GALNT7: variants seen among roughly 807,000 people sequenced by gnomAD.
The protein encoded by GALNT7 is polypeptide N-acetylgalactosaminyltransferase 7, also known as N-acetylgalactosaminyltransferase 7.
In GALNT7, 60 loss-of-function variants were observed where a neutral mutation model predicts 82.1. The ratio of observed to expected loss-of-function variants is 0.73; its 90% CI spans 0.59 to 0.91. The LOEUF is 0.91. Among genes scored for constraint, GALNT7 ranks in the 40% least tolerant of loss-of-function variants. The pLI is 0.00. For missense variants in GALNT7, 660 were observed against 804.2 expected (o/e 0.82, Z 2.17); for synonymous variants, 243 against 275.1 (o/e 0.88, Z 1.15).
intron 1 of GALNT7, among the ~76,000 whole-genome samples, chr4:173,203,642 T>C (rs1282629090): frequency 6.6e-6 from 1 of 152,190 alleles, no homozygotes; most frequent in East Asian, 1.9e-4. Context: ...TAGGTTTTCT[T>C]TGTGGTTACC....
rs985482012 is a variant in GALNT7, at chr4:173,320,250, T to C, written c.1837-1330T>C. Among the ~76,000 whole-genome samples the C allele has an allele frequency of 1.3e-5, 2 of 151,874 alleles. No individual in the cohort carries two copies. Among genetic ancestry groups the C allele is most frequent in the Non-Finnish European group, 2.9e-5 (2 of 67,938 alleles). The stretch of plus-strand genomic sequence containing the variant: ...TTTACACTCTTAAAAATTTTTGAGC[T>C]CCCCCACCCCCAAATTGCTTTTGTT... On this transcript the variant is annotated intron_variant, in intron 11 of 11. Coordinates refer to ENST00000265000, the MANE Select transcript of GALNT7 (RefSeq NM_017423.3). The surrounding 1 kb of genome is among the most constrained non-coding windows in gnomAD (Gnocchi z 4.1).
chr4:173,175,822 C>T (rs181040436), intron 1 of GALNT7, among the ~76,000 whole-genome samples: 221 of 152,204 alleles, frequency 1.5e-3, no homozygotes, highest in African/African-American at 5.2e-3. Context: ...CTTGTAATCC[C>T]AGCGCTTTGG....
intron 2 of GALNT7, among the ~76,000 whole-genome samples, chr4:173,251,852 A>G (rs1352507047): frequency 2.0e-5 from 3 of 152,208 alleles, no homozygotes; most frequent in Admixed American, 1.3e-4. Flanking sequence ...TTGAAATCCT[A>G]TACTAGTGAT....
intron 2 of GALNT7, among the ~76,000 whole-genome samples, chr4:173,279,380 C>A (rs561791720): frequency 1.1e-4 from 16 of 152,214 alleles, no homozygotes; most frequent in African/African-American, 3.6e-4. Context: ...ATGAGAAATC[C>A]GCCCCCACGA....
chr4:173,204,173 G>T (rs780999324), intron 1 of GALNT7, among the ~76,000 whole-genome samples: 4 of 152,164 alleles, frequency 2.6e-5, no homozygotes, highest in East Asian at 1.9e-4. Flanking sequence ...CTCCTGGCCT[G>T]TAAGGTTTCT....
chr4:173,318,824 C>T (rs896099539), intron 11 of GALNT7, among the ~76,000 whole-genome samples: 1 of 152,030 alleles, frequency 6.6e-6, no homozygotes, highest in Admixed American at 6.6e-5. Flanking sequence ...TTTAGTAATA[C>T]AAGAAAGTCA....
At chr4:173,178,052 T>TGTGTGTGTGCGCGCGC (rs563102408) in intron 1 of GALNT7, among the ~76,000 whole-genome samples, 54 of 129,506 alleles carry the variant, frequency 4.2e-4, no homozygotes, top group East Asian at 2.8e-3. Context: ...TGTGTGTGTG[T>TGTGTGTGTGCGCGCGC]GCGCGCACGC....
chr4:173,295,425 A>G lies in GALNT7; in HGVS notation c.784A>G (p.Ile262Val), dbSNP rs1736685845. ...EHLKEKLDEY[I>V]KLWNGLVKVF... ...CTTAAAAGAAAAACTGGATGAATAT[A>G]TTAAGCTGTGGAATGGCCTAGTGAA... Residue 262 changes from isoleucine (I) to valine (V), a missense_variant, in exon 4 of 12, where the codon ATT (isoleucine) becomes GTT (valine). Around this residue, in one of 2 missense-constraint regions of GALNT7, gnomAD observed 527 missense variants for 683.5 expected, o/e 0.77. Coordinates refer to ENST00000265000, the MANE Select transcript of GALNT7 (RefSeq NM_017423.3). 2 of 1,597,680 alleles carry G rather than the reference A, an allele frequency of 1.3e-6. No homozygotes were observed. The highest frequency in any genetic ancestry group is 2.2e-5 in the East Asian group (1 of 44,742).
At chr4:173,183,041 TAAACAC>T (rs1231903385) in intron 1 of GALNT7, among the ~76,000 whole-genome samples, 13 of 40,736 alleles carry the variant, frequency 3.2e-4, no homozygotes, top group Admixed American at 2.6e-3. Flanking sequence ...TCCACACACA[TAAACAC>T]ACACACACAC....
At chr4:173,317,412 C>T in intron 9 of GALNT7, 1 of 442,380 alleles carries the variant, frequency 2.3e-6, no homozygotes, top group Admixed American at 3.9e-5. Flanking sequence ...AATGTATAGT[C>T]CTTTGCTCTT....
At chr4:173,275,379 A>G (rs1280633428) in intron 2 of GALNT7, among the ~76,000 whole-genome samples, 1 of 152,200 alleles carries the variant, frequency 6.6e-6, no homozygotes, top group Non-Finnish European at 1.5e-5. Context: ...GAGATAAGAA[A>G]GGTGTTGTCA....
intron 2 of GALNT7, among the ~76,000 whole-genome samples, chr4:173,272,660 C>T (rs996716766): frequency 1.3e-5 from 2 of 152,106 alleles, no homozygotes. Context: ...GGTAGACTAC[C>T]GCAATAATTT....
chr4:173,238,203 A>AT (rs957522479), intron 1 of GALNT7, among the ~76,000 whole-genome samples: 22 of 151,618 alleles, frequency 1.5e-4, no homozygotes, highest in African/African-American at 5.1e-4. Context: ...CTTTGCTTTC[A>AT]TTTTTTTTCT....
intron 2 of GALNT7, among the ~76,000 whole-genome samples, chr4:173,251,411 G>A (rs868777777): frequency 5.9e-5 from 9 of 152,158 alleles, no homozygotes; most frequent in Non-Finnish European, 1.2e-4. Flanking sequence ...TACTGCTATG[G>A]TATTTTCTTC....
intron 2 of GALNT7, among the ~76,000 whole-genome samples, chr4:173,250,598 G>A (rs953968998): frequency 2.0e-5 from 3 of 152,048 alleles, no homozygotes; most frequent in African/African-American, 4.8e-5. Flanking sequence ...CAGAAGTCTC[G>A]TTACTGGTCT....
intron 1 of GALNT7, among the ~76,000 whole-genome samples, chr4:173,211,624 T>G (rs1219422721): frequency 2.0e-5 from 3 of 152,250 alleles, no homozygotes; most frequent in African/African-American, 7.2e-5. Flanking sequence ...TCAGGAAATT[T>G]AATGTAAAAT....
chr4:173,295,297 G>C (rs1196503146), intron 3 of GALNT7, 99 bp from the exon 4 acceptor site: 1 of 781,406 alleles, frequency 1.3e-6, no homozygotes. Context: ...TAAAATTACT[G>C]TCTACCCAAT....
At chr4:173,300,831 A>G (rs950632489) in intron 6 of GALNT7, among the ~76,000 whole-genome samples, 3 of 152,078 alleles carry the variant, frequency 2.0e-5, no homozygotes, top group African/African-American at 7.2e-5. Context: ...ATAAGTCAGC[A>G]GATTCAAGAT....
chr4:173,234,223 G>A (rs72997696), intron 1 of GALNT7, among the ~76,000 whole-genome samples: 6,094 of 152,246 alleles, frequency 0.04, 257 homozygotes, highest in African/African-American at 0.09. Context: ...CATGTAAGGG[G>A]TGAATTCCTC....
Sources: gnomAD v4.1 joint callset for allele counts (sites outside exome capture counted in the v4.1 genomes callset) on GRCh38, gnomAD v4.1.1 for gene constraint, gnomAD v4.1.1 regional missense constraint, Gnocchi (gnomAD v3.1) non-coding constraint, MANE v1.5 for transcripts, NCBI Gene and HGNC (gene_info 2026-07-23, HGNC 2026-07-21) for gene names.